Variants in DLG4 observed in about 807,000 individuals in gnomAD.
The protein encoded by DLG4 is discs large MAGUK scaffold protein 4, also known as disks large homolog 4.
DLG4 carries 7 observed loss-of-function variants against 93.8 expected under a neutral mutation model. The ratio of observed to expected loss-of-function variants is 0.07; its 90% CI spans 0.04 to 0.14. The LOEUF (loss-of-function observed/expected upper bound fraction) is 0.14, where lower values mean the gene tolerates loss of function less well. Among genes scored for constraint, DLG4 ranks in the 10% least tolerant of loss-of-function variants. The pLI, the probability that DLG4 is intolerant of heterozygous loss-of-function variation, is 1.00. For missense variants in DLG4, 545 were observed against 992.9 expected, an observed-to-expected ratio of 0.55 and a Z score of 6.06; for synonymous variants, 341 against 387.6, an observed-to-expected ratio of 0.88 and a Z score of 1.41.
In DLG4 at chr17:7,217,341, AG is replaced by A; in HGVS notation, c.-195del. 2 of 187,136 alleles carry A rather than the reference AG, an allele frequency of 1.1e-5. No homozygotes were observed. Among genetic ancestry groups the A allele is most frequent in the Non-Finnish European group, 1.5e-5 (2 of 133,710 alleles). The allele number at this position is 187,136 out of a possible 1,614,324, so 11.6% of individuals were successfully genotyped here. On this transcript the variant is annotated 5_prime_UTR_variant, in exon 1 of 20. Transcript: ENST00000399506. ...GGAGGGGAGCGTGGGAGGGAGGGGAAGGGGGCCCTAAAAGGGGCTCCCCAGT... is the reference window on the plus strand; with the variant it reads ...GGAGGGGAGCGTGGGAGGGAGGGGAAGGGGCCCTAAAAGGGGCTCCCCAGT...
At chr17:7,205,828 G>A (rs987058262) in intron 2 of DLG4, among the ~76,000 whole-genome samples, 3 of 136,134 alleles carry the variant, frequency 2.2e-5, no homozygotes, top group Non-Finnish European at 4.7e-5. Context: ...CCCATAGCCC[G>A]TCCTCCATCC....
chr17:7,194,134 T>C lies in DLG4; in HGVS notation c.1479-134A>G, dbSNP rs1597445503. The C allele has an allele frequency of 7.4e-7, 1 of 1,352,632 alleles. No homozygotes were observed. The highest frequency in any genetic ancestry group is 1.0e-6 in the Non-Finnish European group (1 of 991,288). The allele number at this position is 1,352,632 out of a possible 1,614,324, so 83.8% of individuals were successfully genotyped here. ...CCCCTTCTCCTGCAGCCCTGGACACTGTGCTCCTCAATAAGGAGTTGTCCT... is the reference window on the plus strand; with the variant it reads ...CCCCTTCTCCTGCAGCCCTGGACACCGTGCTCCTCAATAAGGAGTTGTCCT... On this transcript the variant is annotated intron_variant, in intron 12 of 19. Transcript: ENST00000399506. This position sits in a 1 kb window ranked among gnomAD's most constrained non-coding sequence, Gnocchi z 4.4.
upstream of DLG4, chr17:7,218,635 G>A: frequency 6.4e-7 from 1 of 1,560,568 alleles, no homozygotes; most frequent in Non-Finnish European, 8.7e-7. Flanking sequence ...GGGCTGACCT[G>A]GGAGCTAGTG....
chr17:7,197,524 T>G (rs1448859367), intron 8 of DLG4, among the ~76,000 whole-genome samples: 2 of 151,686 alleles, frequency 1.3e-5, no homozygotes, highest in Middle Eastern at 3.4e-3. Context: ...TGAGAAGGAG[T>G]CTCAGGCTGG....
chr17:7,196,400 C>T lies in DLG4; in HGVS notation c.1187-66G>A. 1 of 1,608,896 alleles carries T rather than the reference C, an allele frequency of 6.2e-7. No homozygotes were observed. The highest frequency in any genetic ancestry group is 8.5e-7 in the Non-Finnish European group (1 of 1,175,334). ...CTACTGTCACCCCTGTCCTCCCCTA[C>T]TGAAGCCATCAGCTGAGGAAGAGTT... is the stretch of plus-strand genomic sequence containing the variant. On this transcript the variant is annotated intron_variant, in intron 10 of 19. Coordinates refer to ENST00000399506, the MANE Select transcript of DLG4 (RefSeq NM_001321075.3). The surrounding 1 kb of genome is among the most constrained non-coding windows in gnomAD (Gnocchi z 8.3).
At position 7,194,020 on chromosome 17, in the gene DLG4, A is replaced by G. The variant is rs1350056455; in HGVS notation, c.1479-20T>C. The G allele has an allele frequency of 6.2e-7, 1 of 1,612,706 alleles. No homozygotes were observed. The highest frequency in any genetic ancestry group is 8.5e-7 in the Non-Finnish European group (1 of 1,179,448). On this transcript the variant is annotated intron_variant, in intron 12 of 19. Transcript: ENST00000399506. The surrounding 1 kb of genome is among the most constrained non-coding windows in gnomAD (Gnocchi z 4.4). ...TCAACCCTGTGGGATACATGGAGGGATACGCGGGTAGGGGAATGCCTACCC... is the reference window on the plus strand; with the variant it reads ...TCAACCCTGTGGGATACATGGAGGGGTACGCGGGTAGGGGAATGCCTACCC...
Position 7,191,448 on chromosome 17 carries a change from T to C in DLG4, c.1977-90A>G, listed in dbSNP as rs2142809611. 1 of 1,032,076 alleles carries C rather than the reference T, an allele frequency of 9.7e-7. No individual in the cohort carries two copies. The allele number at this position is 1,032,076 out of a possible 1,614,324, so 63.9% of individuals were successfully genotyped here. ...TATCCAGGAATGTTAAGTATTCTTC[T>C]ATTTGGAGCACATAGCAAAAAAAAA... On this transcript the variant is annotated intron_variant, in intron 18 of 19. Coordinates refer to ENST00000399506, the MANE Select transcript of DLG4 (RefSeq NM_001321075.3). The surrounding 1 kb of genome is among the most constrained non-coding windows in gnomAD (Gnocchi z 6.6).
chr17:7,208,360 A>G lies in DLG4; in HGVS notation c.31-121T>C, dbSNP rs1597485385. Reference sequence around the variant, plus strand: ...GTGCGGAAGGCCCTGGGGCCTGACCAGCTCCTCCCCCTCCCTCTCCTCTAG... The same window carrying G: ...GTGCGGAAGGCCCTGGGGCCTGACCGGCTCCTCCCCCTCCCTCTCCTCTAG... On this transcript the variant is annotated intron_variant, in intron 1 of 19. Coordinates refer to ENST00000399506, the MANE Select transcript of DLG4 (RefSeq NM_001321075.3). The surrounding 1 kb of genome is among the most constrained non-coding windows in gnomAD (Gnocchi z 5.4). 2.4e-6 allele frequency: 2 copies of G among 849,266 alleles called. No individual in the cohort carries two copies. Among genetic ancestry groups the G allele is most frequent in the Non-Finnish European group, 3.2e-6 (2 of 616,010 alleles). The allele number at this position is 849,266 out of a possible 1,614,324, so 52.6% of individuals were successfully genotyped here.
Position 7,190,633 on chromosome 17 carries a change from G to T in DLG4, c.*75C>A. On this transcript the variant is annotated 3_prime_UTR_variant, in exon 20 of 20. Transcript: ENST00000399506. The stretch of plus-strand genomic sequence containing the variant: ...GGAGGGAGGCCGGGGGGAGCCAAGG[G>T]CTTGGGCAATTCAGTCCAGACCAAG... 8.2e-7 allele frequency: 1 copy of T among 1,220,034 alleles called. No homozygotes were observed. The highest frequency in any genetic ancestry group is 1.2e-6 in the Non-Finnish European group (1 of 822,820). The allele number at this position is 1,220,034 out of a possible 1,614,324, so 75.6% of individuals were successfully genotyped here.
chr17:7,213,701 C>A (rs978661396), intron 1 of DLG4: 3 of 458,916 alleles, frequency 6.5e-6, no homozygotes, highest in Admixed American at 2.4e-5. Context: ...GAACGCCCAC[C>A]CTTCCAGCTC....
In DLG4 at chr17:7,192,577, G is replaced by T. The variant is rs796995237; in HGVS notation, c.1866+368C>A. 26 of 269,264 alleles carry T rather than the reference G, an allele frequency of 9.7e-5. No individual in the cohort carries two copies. The East Asian group carries it at 1.6e-3, about 16-fold the overall frequency. 16.7% of individuals were successfully genotyped at this position (269,264 alleles called of 1,614,324 possible). ...GAGGGGAGCCGGGCCCCAGAAAAGG[G>T]TGAGGCAGGGGAGAGGGCCAGCGGG... is the stretch of plus-strand genomic sequence containing the variant. On this transcript the variant is annotated intron_variant, in intron 17 of 19. Transcript: ENST00000399506.
At position 7,188,797 on chromosome 17, in the gene DLG4, C is replaced by T. The variant is rs565826469; in HGVS notation, c.*1911G>A. Among the ~76,000 whole-genome samples, 5 of 152,196 alleles carry T rather than the reference C, an allele frequency of 3.3e-5. No individual in the cohort carries two copies. In the South Asian group the frequency reaches 1.0e-3, roughly 32 times the overall value. On this transcript the variant is annotated 3_prime_UTR_variant, in exon 20 of 20. Coordinates refer to ENST00000399506, the MANE Select transcript of DLG4 (RefSeq NM_001321075.3). ...CCTACCCTCATTATTTACAAAGCTG[C>T]CTCAGATCTTTCCCATAGAGATAGG... is the stretch of plus-strand genomic sequence containing the variant.
At chr17:7,192,741 G>T (rs1439635333) in intron 17 of DLG4, among the ~76,000 whole-genome samples, 1 of 151,882 alleles carries the variant, frequency 6.6e-6, no homozygotes, top group East Asian at 1.9e-4. Context: ...TTTGGGGTCA[G>T]GAAGTGAGGG....
In DLG4 at chr17:7,202,872, T is replaced by C. The variant is rs183574494; in HGVS notation, c.787+31A>G. The C allele has an allele frequency of 3.2e-3, 5,204 of 1,613,264 alleles. 17 individuals are homozygous for C. Among genetic ancestry groups the C allele is most frequent in the Non-Finnish European group, 3.9e-3 (4,550 of 1,179,282 alleles). ...GTCATGGGTTAAACGGGATGGGTCA[T>C]GGGGAACTTTGGTGTTTGAAGGGCT... is the stretch of plus-strand genomic sequence containing the variant. On this transcript the variant is annotated intron_variant, in intron 8 of 19. Transcript: ENST00000399506.
rs981198482 is a variant in DLG4 at position 7,191,703 on chromosome 17, T to G, written c.1976+190A>C. 1.6e-5 allele frequency: 9 copies of G among 573,356 alleles called. No individual in the cohort carries two copies. The highest frequency in any genetic ancestry group is 2.8e-5 in the Non-Finnish European group (9 of 317,274). The allele number at this position is 573,356 out of a possible 1,614,324, so 35.5% of individuals were successfully genotyped here. A position where few individuals can be genotyped will look rare whatever the true frequency, so the allele number is the denominator to read the frequency against. On this transcript the variant is annotated intron_variant, in intron 18 of 19. Transcript: ENST00000399506. The surrounding 1 kb of genome is among the most constrained non-coding windows in gnomAD (Gnocchi z 6.6). ...GGGGCTGCTGGGAAATGTAGTCCTG[T>G]CTAGCCAAGGCAGGAGAGGAGGGGA...
intron 2 of DLG4, chr17:7,205,038 G>A: frequency 1.0e-6 from 1 of 985,492 alleles, no homozygotes; most frequent in Non-Finnish European, 1.2e-6. Flanking sequence ...CGCTAGCCCC[G>A]CCTCTCCTGC....
At chr17:7,219,058 G>A (rs739669), upstream of DLG4, 411,399 of 615,860 alleles carry the variant, frequency 0.67, 138,929 homozygotes, top group African/African-American at 0.85. Context: ...ACCTAGCCAC[G>A]CTCTCCTGAG....
chr17:7,202,224 G>A (rs1281204167), intron 8 of DLG4, among the ~76,000 whole-genome samples: 2 of 152,052 alleles, frequency 1.3e-5, no homozygotes, highest in South Asian at 4.1e-4. Context: ...GTATAGGCAC[G>A]TGCTAATTTT....
At position 7,195,001 on chromosome 17, in the gene DLG4, G is replaced by A. The variant is rs1210059300; in HGVS notation, c.1302-506C>T. Among the ~76,000 whole-genome samples the A allele has an allele frequency of 2.0e-5, 3 of 149,908 alleles. No homozygotes were observed. The highest frequency in any genetic ancestry group is 2.1e-4 in the South Asian group (1 of 4,706). ...GCCACTGCACTCCAGCCTGGGCAAC[G>A]GAGCGAGACACCGTCTCAAAAAAAA... On this transcript the variant is annotated intron_variant, in intron 11 of 19. Coordinates refer to ENST00000399506, the MANE Select transcript of DLG4 (RefSeq NM_001321075.3). This position sits in a 1 kb window ranked among gnomAD's most constrained non-coding sequence, Gnocchi z 4.3.
Sources: allele counts gnomAD v4.1 joint callset (sites outside exome capture counted in the v4.1 genomes callset), GRCh38; gene constraint gnomAD v4.1.1; non-coding constraint Gnocchi (gnomAD v3.1); transcripts MANE v1.5; gene names NCBI Gene and HGNC (gene_info 2026-07-23, HGNC 2026-07-21).